The following DLG2 variants were observed in gnomAD, a reference collection of about 807,000 sequenced individuals.
DLG2 encodes discs large MAGUK scaffold protein 2.
Under a neutral mutation model 132.5 loss-of-function variants are expected in DLG2, and 45 were observed. The observed-to-expected ratio is 0.34, with a 90% confidence interval of 0.27 to 0.44. The LOEUF (loss-of-function observed/expected upper bound fraction) is 0.44, where lower values mean the gene tolerates loss of function less well. DLG2 is among the 20% of genes least tolerant of loss of function. The pLI is 1.00. For missense variants in DLG2, 1,045 were observed against 1,196.9 expected, an observed-to-expected ratio of 0.87 and a Z score of 1.87; for synonymous variants, 424 against 419.6, an observed-to-expected ratio of 1.01 and a Z score of -0.13.
At position 84,502,226 on chromosome 11, in the gene DLG2, CCTTCCT is replaced by C. The variant is rs1567803899; in HGVS notation, c.519+32338_519+32343del. Among the ~76,000 whole-genome samples the C allele has an allele frequency of 3.4e-3, 65 of 19,060 alleles. 11 individuals are homozygous for C. The highest frequency in any genetic ancestry group is 5.7e-3 in the South Asian group (2 of 350). 12.5% of individuals were successfully genotyped at this position (19,060 alleles called of 152,430 possible). A position where few individuals can be genotyped will look rare whatever the true frequency, so the allele number is the denominator to read the frequency against. On this transcript the variant is annotated intron_variant, in intron 7 of 27. Coordinates refer to ENST00000376104, the MANE Select transcript of DLG2 (RefSeq NM_001142699.3). ...TCCTTCCTTCCTTCCTTCCTTCCTT[CCTTCCT>C]TCCTTCCTTCCTTCCTTCCTTCCTT...
intron 6 of DLG2, among the ~76,000 whole-genome samples, chr11:84,612,006 C>T (rs2099596365): frequency 6.6e-6 from 1 of 152,058 alleles, no homozygotes; most frequent in Non-Finnish European, 1.5e-5. Context: ...AAGTTTTGAG[C>T]CATGCCAACA....
intron 7 of DLG2, among the ~76,000 whole-genome samples, chr11:84,310,165 T>C (rs1032516937): frequency 6.6e-6 from 1 of 152,138 alleles, no homozygotes; most frequent in East Asian, 1.9e-4. Context: ...TCTGTTAAAT[T>C]AGAGATTTAT....
intron 19 of DLG2, chr11:83,631,817 G>A (rs1277925072): frequency 6.6e-6 from 1 of 152,048 alleles, no homozygotes. Context: ...TAACCCAGCT[G>A]ACTTTTTCCA....
intron 16 of DLG2, among the ~76,000 whole-genome samples, chr11:83,861,059 T>C (rs370827518): frequency 1.3e-5 from 2 of 152,114 alleles, no homozygotes; most frequent in Non-Finnish European, 1.5e-5. Flanking sequence ...AGTGTGAAAA[T>C]GGACTAATAA....
chr11:85,552,125 G>C (rs114459413), intron 3 of DLG2, among the ~76,000 whole-genome samples: 3,311 of 148,130 alleles, frequency 0.022, 136 homozygotes, highest in African/African-American at 0.077. Context: ...GCTTCAGCAT[G>C]CAGCCCAAGG....
chr11:85,199,535 A>C (rs2081298394), intron 4 of DLG2, among the ~76,000 whole-genome samples: 1 of 152,212 alleles, frequency 6.6e-6, no homozygotes, highest in Non-Finnish European at 1.5e-5. Context: ...TATAAATTAT[A>C]ACTCAGCTAT....
At chr11:84,640,519 G>C (rs558550416) in intron 6 of DLG2, 3 of 369,858 alleles carry the variant, frequency 8.1e-6, no homozygotes, top group African/African-American at 6.4e-5. Context: ...CTTTTGGATG[G>C]TATCTATGTG....
intron 6 of DLG2, among the ~76,000 whole-genome samples, chr11:84,915,836 ATATT>A (rs1353734411): frequency 2.0e-5 from 3 of 152,156 alleles, no homozygotes; most frequent in Non-Finnish European, 2.9e-5. Context: ...TTATTTTCAA[ATATT>A]TATTAATCAT....
chr11:85,019,639 G>C (rs1343308191), intron 6 of DLG2, among the ~76,000 whole-genome samples: 1 of 151,850 alleles, frequency 6.6e-6, no homozygotes, highest in African/African-American at 2.4e-5. Flanking sequence ...CCCACAACAG[G>C]CCCAGTGTGT....
At chr11:84,306,094 T>C (rs2098214947) in intron 7 of DLG2, among the ~76,000 whole-genome samples, 1 of 152,120 alleles carries the variant, frequency 6.6e-6, no homozygotes, top group Non-Finnish European at 1.5e-5. Flanking sequence ...AATGATAATG[T>C]TTTGTATATT....
At chr11:85,005,400 C>T (rs759956859) in intron 6 of DLG2, among the ~76,000 whole-genome samples, 1 of 152,162 alleles carries the variant, frequency 6.6e-6, no homozygotes, top group South Asian at 2.1e-4. Flanking sequence ...TCTCTTATTT[C>T]CTTGAGCAGT....
At chr11:85,505,987 A>G (rs1390757793) in intron 3 of DLG2, among the ~76,000 whole-genome samples, 1 of 151,952 alleles carries the variant, frequency 6.6e-6, no homozygotes, top group Non-Finnish European at 1.5e-5. Flanking sequence ...TTTCTTCTAG[A>G]TTTTCTAATT....
intron 7 of DLG2, among the ~76,000 whole-genome samples, chr11:84,429,880 T>G (rs1352168082): frequency 6.6e-6 from 1 of 152,184 alleles, no homozygotes; most frequent in Non-Finnish European, 1.5e-5. Context: ...AATTAAAGTT[T>G]TGTAAACTAG....
rs148782571 is a variant in DLG2 at position 84,186,288 on chromosome 11, T to G, written c.574-22777A>C. On this transcript the variant is annotated intron_variant, in intron 8 of 27. Coordinates refer to ENST00000376104, the MANE Select transcript of DLG2 (RefSeq NM_001142699.3). ...ATTTCCTTTGTTATTTCTCTGTACTTCCACTATACATATATTAGTATGCAT... is the reference window on the plus strand; with the variant it reads ...ATTTCCTTTGTTATTTCTCTGTACTGCCACTATACATATATTAGTATGCAT... Among the ~76,000 whole-genome samples the G allele has an allele frequency of 4.2e-3, 637 of 152,172 alleles. 2 individuals are homozygous for G. The highest frequency in any genetic ancestry group is 8.5e-3 in the Admixed American group (129 of 15,246).
chr11:85,268,462 T>G (rs755195186), intron 4 of DLG2, among the ~76,000 whole-genome samples: 1 of 152,296 alleles, frequency 6.6e-6, no homozygotes, highest in South Asian at 2.1e-4. Flanking sequence ...CTCTCTAAAA[T>G]GTATAAAGCT....
rs1055470710 is a variant in DLG2 at position 83,455,328 on chromosome 11, C to G, written c.*4490G>C. 6.6e-6 allele frequency: 1 copy of G among 152,538 alleles called. No individual in the cohort carries two copies. The highest frequency in any genetic ancestry group is 1.5e-5 in the Non-Finnish European group (1 of 68,054). The allele number at this position is 152,538 out of a possible 1,614,324, so 9.4% of individuals were successfully genotyped here. On this transcript the variant is annotated 3_prime_UTR_variant, in exon 28 of 28. Coordinates refer to ENST00000376104, the MANE Select transcript of DLG2 (RefSeq NM_001142699.3). Reference sequence around the variant, plus strand: ...CTCCCTCCCATCCTGTGCTACAGCTCGGTGGAGAAACATCCTGTCAGAGAG... The same window carrying G: ...CTCCCTCCCATCCTGTGCTACAGCTGGGTGGAGAAACATCCTGTCAGAGAG...
intron 6 of DLG2, among the ~76,000 whole-genome samples, chr11:85,085,749 A>G (rs770979232): frequency 8.5e-5 from 13 of 152,122 alleles, no homozygotes; most frequent in Non-Finnish European, 1.8e-4. Context: ...AGATTTAGCA[A>G]CTTGCCCAAG....
At chr11:84,038,233 C>A (rs2095929369) in intron 11 of DLG2, among the ~76,000 whole-genome samples, 1 of 151,728 alleles carries the variant, frequency 6.6e-6, no homozygotes, top group Non-Finnish European at 1.5e-5. Flanking sequence ...AGAGAAAATT[C>A]TCTCAAAATA....
At chr11:84,796,227 CACT>C (rs1253723606) in intron 6 of DLG2, among the ~76,000 whole-genome samples, 2 of 152,138 alleles carry the variant, frequency 1.3e-5, no homozygotes, top group African/African-American at 2.4e-5. Flanking sequence ...TAAATATATA[CACT>C]ACTATGTACC....
Sources: gnomAD v4.1 joint callset for allele counts (sites outside exome capture counted in the v4.1 genomes callset) on GRCh38, gnomAD v4.1.1 for gene constraint, MANE v1.5 for transcripts, NCBI Gene and HGNC (gene_info 2026-07-23, HGNC 2026-07-21) for gene names.